The following NLRP4 variants were observed in gnomAD, a reference collection of about 807,000 sequenced individuals.
NLRP4 encodes the protein NLR family pyrin domain containing 4, also known as NACHT, LRR and PYD domains-containing protein 4.
NLRP4 carries 44 observed loss-of-function variants against 84.7 expected under a neutral mutation model. That is an observed-to-expected ratio of 0.52 (90% CI 0.41 to 0.67). NLRP4 has a LOEUF of 0.67. Among genes scored for constraint, NLRP4 ranks in the 30% least tolerant of loss-of-function variants. The probability of loss-of-function intolerance (pLI) is 0.00; values close to 1 mark genes in which losing one functional copy is unlikely to be tolerated. For synonymous variants in NLRP4, 544 were observed against 476.4 expected, an observed-to-expected ratio of 1.14 and a Z score of -1.85; for missense variants, 1,260 against 1,219.4, an observed-to-expected ratio of 1.03 and a Z score of -0.50.
At chr19:55,861,637 G>A in intron 4 of NLRP4, 90 bp downstream of exon 4, 1 of 1,226,382 alleles carries the variant, frequency 8.2e-7, no homozygotes, top group South Asian at 1.4e-5. Context: ...AACTGCACAA[G>A]CAAAGAATTA....
intron 5 of NLRP4, among the ~76,000 whole-genome samples, chr19:55,866,385 A>C (rs1357660410): frequency 1.3e-5 from 2 of 152,252 alleles, no homozygotes; most frequent in Admixed American, 6.5e-5. Flanking sequence ...GCATGGCCTC[A>C]GAGCCCTGCT....
Position 55,858,796 on chromosome 19 carries a change from G to A in NLRP4, c.1403G>A (p.Ser468Asn), listed in dbSNP as rs143362876. ...FCAALFYLLK[S>N]HLDHPHPAVR... The stretch of plus-strand genomic sequence containing the variant: ...GCCGCCTTGTTCTATTTGCTCAAGA[G>A]CCACCTTGATCATCCTCACCCAGCT... The change falls in exon 3 of 10, where the codon AGC (serine) becomes AAC (asparagine). Residue 468 changes from serine to asparagine, a missense_variant. Ser to Asn is a conservative substitution (Grantham distance 46). This residue lies in a region of NLRP4 where 712 missense variants were observed against 669.2 expected (regional missense o/e 1.06). Coordinates refer to ENST00000301295, the MANE Select transcript of NLRP4 (RefSeq NM_134444.5). This position sits in a 1 kb window ranked among gnomAD's most constrained non-coding sequence, Gnocchi z 4.2. 1.2e-6 allele frequency: 2 copies of A among 1,614,000 alleles called. No homozygotes were observed. Among genetic ancestry groups the A allele is most frequent in the Non-Finnish European group, 1.7e-6 (2 of 1,179,978 alleles).
chr19:55,857,494 C>A, intron 2 of NLRP4, 180 bp from the exon 3 acceptor site: 1 of 606,618 alleles, frequency 1.6e-6, no homozygotes, highest in Non-Finnish European at 2.9e-6. Context: ...AGACAATATA[C>A]CCGTGAATGG....
At chr19:55,871,528 C>T (rs897246506) in intron 7 of NLRP4, among the ~76,000 whole-genome samples, 1 of 152,182 alleles carries the variant, frequency 6.6e-6, no homozygotes, top group African/African-American at 2.4e-5. Flanking sequence ...TGGGTAACCC[C>T]TGTAGCGGCG....
At chr19:55,854,111 A>G (rs1018130834) in intron 2 of NLRP4, among the ~76,000 whole-genome samples, 37 of 152,200 alleles carry the variant, frequency 2.4e-4, no homozygotes, top group African/African-American at 8.7e-4. Flanking sequence ...CTGGGATTTC[A>G]GATGCCCGCC....
At chr19:55,838,013 G>A (rs1283635877) in intron 1 of NLRP4, among the ~76,000 whole-genome samples, 13 of 109,216 alleles carry the variant, frequency 1.2e-4, no homozygotes, top group Non-Finnish European at 1.7e-4. Flanking sequence ...TCCAGCCTGG[G>A]TGACAGAATG....
intron 2 of NLRP4, among the ~76,000 whole-genome samples, chr19:55,853,789 C>A (rs943363330): frequency 1.4e-5 from 2 of 147,352 alleles, no homozygotes; most frequent in African/African-American, 5.4e-5. Flanking sequence ...TTCTGTCTCT[C>A]TTTCTCTCTC....
chr19:55,872,659 A>G (rs1051710425), intron 7 of NLRP4, among the ~76,000 whole-genome samples: 2 of 152,228 alleles, frequency 1.3e-5, no homozygotes, highest in African/African-American at 4.8e-5. Context: ...AGAAAGCAGC[A>G]TGAAAACAGA....
At chr19:55,856,511 C>G (rs1032025918) in intron 2 of NLRP4, among the ~76,000 whole-genome samples, 3 of 112,222 alleles carry the variant, frequency 2.7e-5, no homozygotes, top group East Asian at 2.6e-4. Flanking sequence ...GTTGCTGGAT[C>G]TTTTTTTTTT....
intron 5 of NLRP4, among the ~76,000 whole-genome samples, chr19:55,863,238 A>C (rs889315347): frequency 1.3e-5 from 2 of 152,214 alleles, no homozygotes; most frequent in Non-Finnish European, 2.9e-5. Flanking sequence ...ATTCCTGTGA[A>C]GTTCAAAGAT....
At chr19:55,853,911 CTT>C (rs1242412185) in intron 2 of NLRP4, among the ~76,000 whole-genome samples, 3,078 of 122,900 alleles carry the variant, frequency 0.025, 383 homozygotes, top group African/African-American at 0.13. Flanking sequence ...CTCTCTTTCT[CTT>C]TCTTTCTCTT....
At chr19:55,837,311 C>T (rs1397954087) in intron 1 of NLRP4, among the ~76,000 whole-genome samples, 1 of 151,964 alleles carries the variant, frequency 6.6e-6, no homozygotes, top group Non-Finnish European at 1.5e-5. Flanking sequence ...CCCTGTGACA[C>T]GAGTTTACCT....
At chr19:55,854,657 A>T (rs1159269590) in intron 2 of NLRP4, among the ~76,000 whole-genome samples, 1 of 152,102 alleles carries the variant, frequency 6.6e-6, no homozygotes, top group East Asian at 1.9e-4. Context: ...ATTTTTGGCG[A>T]TGCTAGCCTT....
chr19:55,843,039 G>A (rs1249607645), intron 1 of NLRP4, among the ~76,000 whole-genome samples: 4 of 152,122 alleles, frequency 2.6e-5, no homozygotes, highest in Admixed American at 6.5e-5. Flanking sequence ...GATTACAGGC[G>A]TCAGCCACCG....
intron 1 of NLRP4, among the ~76,000 whole-genome samples, chr19:55,840,332 ATGTGTATGTGTATG>A (rs1471502891): frequency 2.5e-5 from 3 of 120,186 alleles, no homozygotes; most frequent in African/African-American, 6.8e-5. Context: ...GTATAGACAT[ATGTGTATGTGTATG>A]TGTGTGTGTG....
intron 7 of NLRP4, among the ~76,000 whole-genome samples, chr19:55,871,266 G>C (rs756377407): frequency 1.3e-5 from 2 of 152,218 alleles, no homozygotes; most frequent in African/African-American, 2.4e-5. Context: ...GTCGGGACCT[G>C]AGGGGCAATT....
At chr19:55,871,329 C>T (rs149224565) in intron 7 of NLRP4, among the ~76,000 whole-genome samples, 1 of 152,094 alleles carries the variant, frequency 6.6e-6, no homozygotes, top group Non-Finnish European at 1.5e-5. Flanking sequence ...TGCACTTCAT[C>T]AGGTGCAAAA....
At chr19:55,880,221 A>G (rs532546798) in intron 9 of NLRP4, among the ~76,000 whole-genome samples, 1 of 152,102 alleles carries the variant, frequency 6.6e-6, no homozygotes, top group South Asian at 2.1e-4. Flanking sequence ...CTTGAAGTCC[A>G]TCCTTATAAA....
intron 1 of NLRP4, among the ~76,000 whole-genome samples, chr19:55,842,167 T>C (rs1360039749): frequency 6.6e-6 from 1 of 152,222 alleles, no homozygotes; most frequent in Non-Finnish European, 1.5e-5. Flanking sequence ...GCATGTTTAG[T>C]CTTTCAACTT....
Sources: allele counts gnomAD v4.1 joint callset (sites outside exome capture counted in the v4.1 genomes callset), GRCh38; gene constraint gnomAD v4.1.1; regional missense constraint gnomAD v4.1.1; non-coding constraint Gnocchi (gnomAD v3.1); transcripts MANE v1.5; gene names NCBI Gene and HGNC (gene_info 2026-07-23, HGNC 2026-07-21).